Variants in USP47 observed in about 807,000 individuals in gnomAD.
USP47 encodes the protein ubiquitin specific peptidase 47, also known as ubiquitin carboxyl-terminal hydrolase 47.
USP47 carries 35 observed loss-of-function variants against 165.1 expected under a neutral mutation model. The ratio of observed to expected loss-of-function variants is 0.21; its 90% CI spans 0.16 to 0.28. USP47 has a LOEUF of 0.28. Ranked by LOEUF, USP47 falls within the 10% of genes least tolerant of loss-of-function variation. The pLI is 1.00. For missense variants in USP47, 1,277 were observed against 1,607.4 expected (o/e 0.79, Z 3.52); for synonymous variants, 531 against 544.5 (o/e 0.98, Z 0.35).
intron 1 of USP47, among the ~76,000 whole-genome samples, chr11:11,862,446 G>T (rs1465072286): frequency 1.3e-5 from 2 of 151,536 alleles, no homozygotes; most frequent in Admixed American, 6.6e-5. Flanking sequence ...TGTTCTTGTT[G>T]TGTCTTTATG....
At chr11:11,945,872 C>T (rs1855790075) in intron 20 of USP47, among the ~76,000 whole-genome samples, 1 of 151,228 alleles carries the variant, frequency 6.6e-6, no homozygotes, top group Non-Finnish European at 1.5e-5. Flanking sequence ...AGGAGAGAGG[C>T]TGCAGTGAGC....
Position 11,954,758 on chromosome 11 carries a change from G to A in USP47, c.3715-139G>A, listed in dbSNP as rs531519563. ...GGGACATGGTATTTGCAGGGTGGCC[G>A]CTTTCTGCTTTTTCTTAATTTTTTT... is the stretch of plus-strand genomic sequence containing the variant. On this transcript the variant is annotated intron_variant, in intron 25 of 27. Coordinates refer to ENST00000527733, the MANE Select transcript of USP47 (RefSeq NM_001282659.2). 207 of 945,120 alleles carry A rather than the reference G, an allele frequency of 2.2e-4. 3 individuals are homozygous for A. In the South Asian group the frequency reaches 2.8e-3, roughly 13 times the overall value. 58.5% of individuals were successfully genotyped at this position (945,120 alleles called of 1,614,324 possible).
chr11:11,905,654 G>T, intron 8 of USP47, 106 bp downstream of exon 8: 1 of 1,158,180 alleles, frequency 8.6e-7, no homozygotes, highest in Non-Finnish European at 1.1e-6. Flanking sequence ...ACACCTTCTT[G>T]GGTTGTTAGT....
intron 17 of USP47, among the ~76,000 whole-genome samples, chr11:11,937,051 A>G (rs1222981668): frequency 6.6e-6 from 1 of 151,738 alleles, no homozygotes; most frequent in African/African-American, 2.4e-5. Flanking sequence ...CATTAAATCT[A>G]TCACATTCAC....
intron 16 of USP47, among the ~76,000 whole-genome samples, chr11:11,934,472 A>G (rs1461143732): frequency 6.6e-6 from 1 of 152,152 alleles, no homozygotes; most frequent in African/African-American, 2.4e-5. Context: ...CAGCGATGCA[A>G]AAAGTTGAGG....
chr11:11,922,820 G>A lies in USP47; in HGVS notation c.1315G>A (p.Gly439Ser). The A allele has an allele frequency of 6.2e-7, 1 of 1,611,536 alleles. No individual in the cohort carries two copies. The highest frequency in any genetic ancestry group is 8.5e-7 in the Non-Finnish European group (1 of 1,178,470). Residue 439 changes from glycine (G) to serine (S), a missense_variant, in exon 11 of 28, where the codon GGT (glycine) becomes AGT (serine). By Grantham distance (56) the Gly-to-Ser change is moderately conservative (BLOSUM62 0). Around this residue, in one of 4 missense-constraint regions of USP47, gnomAD observed 175 missense variants for 295.8 expected, o/e 0.59. Transcript: ENST00000527733. ...GAGCAACGATTTCTCCAATGATGAT[G>A]GTGTTGATGAAGGAATCTGTCTTGA... ...QMSNDFSNDD[G>S]VDEGICLETN...
chr11:11,956,784 G>C lies in USP47; in HGVS notation c.*609G>C, dbSNP rs1320012508. 3 of 152,580 alleles carry C rather than the reference G, an allele frequency of 2.0e-5. No individual in the cohort carries two copies. The highest frequency in any genetic ancestry group is 4.4e-5 in the Non-Finnish European group (3 of 68,074). 9.5% of individuals were successfully genotyped at this position (152,580 alleles called of 1,614,324 possible). On this transcript the variant is annotated 3_prime_UTR_variant, in exon 28 of 28. Coordinates refer to ENST00000527733, the MANE Select transcript of USP47 (RefSeq NM_001282659.2). The stretch of plus-strand genomic sequence containing the variant: ...GCAGAGTATTAAGAACATTATTCTG[G>C]AACATCAGAACGTTTCCCTTAGACC...
intron 3 of USP47, 123 bp from the exon 4 acceptor site, chr11:11,891,845 A>C: frequency 8.3e-7 from 1 of 1,205,966 alleles, no homozygotes; most frequent in Non-Finnish European, 1.1e-6. Flanking sequence ...GGAAGGGGGC[A>C]TGAGCACCTT....
intron 5 of USP47, among the ~76,000 whole-genome samples, chr11:11,898,548 T>G (rs752337991): frequency 1.1e-4 from 16 of 152,244 alleles, no homozygotes; most frequent in Non-Finnish European, 1.8e-4. Context: ...TGTATGCATG[T>G]ATTGCCCTGT....
intron 13 of USP47, among the ~76,000 whole-genome samples, 168 bp downstream of exon 13, chr11:11,930,288 A>G (rs1471870130): frequency 6.6e-6 from 1 of 152,160 alleles, no homozygotes; most frequent in Non-Finnish European, 1.5e-5. Flanking sequence ...TGACATAGCC[A>G]TTTGTTTCTA....
chr11:11,857,176 A>G (rs974698929), intron 1 of USP47, among the ~76,000 whole-genome samples: 2 of 152,088 alleles, frequency 1.3e-5, no homozygotes, highest in Admixed American at 6.5e-5. Context: ...CAAAAGATGC[A>G]GCATGTTGCT....
chr11:11,952,913 T>A, intron 25 of USP47, 42 bp downstream of exon 25: 1 of 1,347,398 alleles, frequency 7.4e-7, no homozygotes. Context: ...ATGTTGTATA[T>A]GTATATCATA....
intron 1 of USP47, among the ~76,000 whole-genome samples, chr11:11,867,915 A>C (rs1320900081): frequency 6.6e-6 from 1 of 152,030 alleles, no homozygotes. Flanking sequence ...GGTGGTGTGA[A>C]TTGGGGCTGC....
chr11:11,919,921 T>C (rs1281452381), intron 8 of USP47, among the ~76,000 whole-genome samples: 1 of 151,856 alleles, frequency 6.6e-6, no homozygotes, highest in East Asian at 1.9e-4. Context: ...GAAATGACTG[T>C]GATACTGCAA....
chr11:11,863,387 A>G (rs1487126753), intron 1 of USP47, among the ~76,000 whole-genome samples: 8 of 152,204 alleles, frequency 5.3e-5, no homozygotes, highest in Non-Finnish European at 1.0e-4. Flanking sequence ...TTGTATTTAC[A>G]TTTATTCCTA....
chr11:11,938,246 A>C lies in USP47; in HGVS notation c.2078-11A>C. 1 of 1,607,696 alleles carries C rather than the reference A, an allele frequency of 6.2e-7. No homozygotes were observed. The highest frequency in any genetic ancestry group is 1.3e-5 in the African/African-American group (1 of 74,798). ...CCTCCAATTCTGTGTTTATGTCTTCAAATGTGACAGAAGTGATGGTGAAAG... is the reference window on the plus strand; with the variant it reads ...CCTCCAATTCTGTGTTTATGTCTTCCAATGTGACAGAAGTGATGGTGAAAG... On this transcript the variant is annotated splice_polypyrimidine_tract_variant and intron_variant, in intron 17 of 27. Coordinates refer to ENST00000527733, the MANE Select transcript of USP47 (RefSeq NM_001282659.2).
intron 19 of USP47, among the ~76,000 whole-genome samples, chr11:11,941,794 T>C (rs1240634969): frequency 6.6e-6 from 1 of 152,130 alleles, no homozygotes; most frequent in African/African-American, 2.4e-5. Context: ...CAAATTTCTC[T>C]GATTGTCTTA....
In USP47 at chr11:11,920,468, A is replaced by T. The variant is rs751790766; in HGVS notation, c.1192A>T (p.Ser398Cys). 9 of 1,609,070 alleles carry T rather than the reference A, an allele frequency of 5.6e-6. No homozygotes were observed. The highest frequency in any genetic ancestry group is 7.6e-6 in the Non-Finnish European group (9 of 1,177,620). ...RMTFPEELDM[S>C]TFIDVEDEKS... is the part of the protein sequence containing the mutation. The stretch of plus-strand genomic sequence containing the variant: ...GACATTTCCCGAGGAACTAGATATG[A>T]GTACTTTTATTGATGTTGAAGATGA... The change falls in exon 10 of 28, where the codon AGT (serine) becomes TGT (cysteine). Residue 398 changes from serine to cysteine, a missense_variant. Transcript: ENST00000527733.
At chr11:11,936,743 C>T (rs1032456290) in intron 17 of USP47, among the ~76,000 whole-genome samples, 11 of 151,920 alleles carry the variant, frequency 7.2e-5, no homozygotes, top group Admixed American at 2.0e-4. Context: ...AAGCTTCTAG[C>T]TTACGGTCTT....
Sources: allele counts gnomAD v4.1 joint callset (sites outside exome capture counted in the v4.1 genomes callset), GRCh38; gene constraint gnomAD v4.1.1; regional missense constraint gnomAD v4.1.1; transcripts MANE v1.5; gene names NCBI Gene and HGNC (gene_info 2026-07-23, HGNC 2026-07-21).